SH3RF3: variants seen among roughly 807,000 people sequenced by gnomAD.
SH3RF3 encodes E3 ubiquitin-protein ligase SH3RF3.
In SH3RF3, 29 loss-of-function variants were observed where a neutral mutation model predicts 66.3. The ratio of observed to expected loss-of-function variants is 0.44; its 90% CI spans 0.33 to 0.60. SH3RF3 has a LOEUF of 0.60. Ranked by LOEUF, SH3RF3 falls within the 20% of genes least tolerant of loss-of-function variation. SH3RF3 has a pLI of 0.04. For missense variants in SH3RF3, 1,194 were observed against 1,190.9 expected, an observed-to-expected ratio of 1.00 and a Z score of -0.04; for synonymous variants, 583 against 532.0, an observed-to-expected ratio of 1.10 and a Z score of -1.32.
At chr2:109,301,348 GTGTGTT>G (rs59584348) in intron 1 of SH3RF3, among the ~76,000 whole-genome samples, 46,067 of 150,446 alleles carry the variant, frequency 0.31, 8,304 homozygotes, top group East Asian at 0.9. Flanking sequence ...GTGTGTGTGT[GTGTGTT>G]TGTGTATGTT....
chr2:109,195,716 G>A (rs1678482809), intron 1 of SH3RF3, among the ~76,000 whole-genome samples: 1 of 151,866 alleles, frequency 6.6e-6, no homozygotes, highest in Non-Finnish European at 1.5e-5. Context: ...ATTTTTTTTG[G>A]TACTCATTTG....
At chr2:109,373,763 TC>T (rs1683324537) in intron 3 of SH3RF3, among the ~76,000 whole-genome samples, 2 of 152,254 alleles carry the variant, frequency 1.3e-5, no homozygotes, top group South Asian at 4.1e-4. Flanking sequence ...TTTACACACT[TC>T]TAACTGCAAT....
intron 6 of SH3RF3, among the ~76,000 whole-genome samples, chr2:109,434,478 G>A (rs939651538): frequency 2.0e-5 from 3 of 152,206 alleles, no homozygotes; most frequent in East Asian, 1.9e-4. Context: ...TCGCCTGGCC[G>A]GGCAACTCCT....
intron 1 of SH3RF3, among the ~76,000 whole-genome samples, chr2:109,297,667 T>C (rs1015359817): frequency 2.7e-5 from 4 of 145,750 alleles, no homozygotes; most frequent in Non-Finnish European, 4.5e-5. Flanking sequence ...CCCACCCTGG[T>C]CAGTGCCTTC....
At chr2:109,351,397 T>C (rs1247586695) in intron 2 of SH3RF3, among the ~76,000 whole-genome samples, 1 of 152,210 alleles carries the variant, frequency 6.6e-6, no homozygotes, top group Non-Finnish European at 1.5e-5. Context: ...CCACATGATA[T>C]AAATAAATTG....
intron 1 of SH3RF3, among the ~76,000 whole-genome samples, chr2:109,347,129 C>G (rs1224934927): frequency 6.6e-6 from 1 of 152,182 alleles, no homozygotes; most frequent in Non-Finnish European, 1.5e-5. Context: ...GTTGCTGTGA[C>G]TATTCAGTAG....
chr2:109,203,880 G>C (rs918156323), intron 1 of SH3RF3, among the ~76,000 whole-genome samples: 2 of 152,226 alleles, frequency 1.3e-5, no homozygotes, highest in African/African-American at 4.8e-5. Flanking sequence ...CTTGTTCCCT[G>C]TGCGGCCTGG....
rs1426200204 is a variant in SH3RF3 at position 109,503,880 on chromosome 2, A to C, written c.*2209A>C. The C allele has an allele frequency of 6.6e-6, 1 of 152,232 alleles. No homozygotes were observed. 9.4% of individuals were successfully genotyped at this position (152,232 alleles called of 1,614,324 possible). On this transcript the variant is annotated 3_prime_UTR_variant, in exon 10 of 10. Coordinates refer to ENST00000309415, the MANE Select transcript of SH3RF3 (RefSeq NM_001099289.3). ...GGCGAGGACACAGCCCACTGCATGC[A>C]GCATGGTAGAGAGCTGGGGCGAATA...
intron 1 of SH3RF3, among the ~76,000 whole-genome samples, chr2:109,199,271 G>A (rs78894328): frequency 5.8e-5 from 1 of 17,344 alleles, no homozygotes; most frequent in Non-Finnish European, 1.5e-4. Flanking sequence ...GCAGTGAGCC[G>A]AGATCATGCC....
At chr2:109,163,728 G>A (rs1369375755) in intron 1 of SH3RF3, among the ~76,000 whole-genome samples, 1 of 152,146 alleles carries the variant, frequency 6.6e-6, no homozygotes, top group African/African-American at 2.4e-5. Context: ...GAGACTTCAC[G>A]ATTCCACAGT....
intron 3 of SH3RF3, among the ~76,000 whole-genome samples, chr2:109,397,820 A>G (rs1676191114): frequency 6.6e-6 from 1 of 152,168 alleles, no homozygotes; most frequent in South Asian, 2.1e-4. Context: ...TTGCTCATGG[A>G]CTTGAACCTT....
At chr2:109,192,414 G>A (rs2105027681) in intron 1 of SH3RF3, among the ~76,000 whole-genome samples, 1 of 152,326 alleles carries the variant, frequency 6.6e-6, no homozygotes, top group Admixed American at 6.5e-5. Context: ...ACTCATAGAA[G>A]ACATTAACTT....
intron 1 of SH3RF3, among the ~76,000 whole-genome samples, chr2:109,208,534 G>A (rs892455715): frequency 2.0e-5 from 3 of 152,228 alleles, no homozygotes; most frequent in African/African-American, 7.2e-5. Context: ...TTTCTTGGAA[G>A]TGGAGCCACC....
At chr2:109,435,213 A>G (rs140436465) in intron 6 of SH3RF3, among the ~76,000 whole-genome samples, 3,208 of 152,308 alleles carry the variant, frequency 0.021, 55 homozygotes, top group South Asian at 0.064. Context: ...GTTGAAGGCC[A>G]TGGGTCCCTC....
chr2:109,372,118 A>T (rs1304987573), intron 3 of SH3RF3, among the ~76,000 whole-genome samples: 1 of 152,232 alleles, frequency 6.6e-6, no homozygotes, highest in Non-Finnish European at 1.5e-5. Context: ...GTTGCTGGCC[A>T]TCTGCAAAGT....
rs752195342 is a variant in SH3RF3 at position 109,419,652 on chromosome 2, C to T, written c.1403+10C>T. The T allele has an allele frequency of 3.2e-6, 5 of 1,564,716 alleles. No individual in the cohort carries two copies. The highest frequency in any genetic ancestry group is 1.9e-5 in the Admixed American group (1 of 53,080). ...AGCTGCCCCTCAACGTGTGAGCTGC[C>T]CTTTGTGTCTGTCGGGGTCCTGTGC... On this transcript the variant is annotated intron_variant, in intron 5 of 9. Transcript: ENST00000309415.
chr2:109,435,719 A>G (rs1414428213), intron 6 of SH3RF3, among the ~76,000 whole-genome samples: 1 of 152,240 alleles, frequency 6.6e-6, no homozygotes, highest in Admixed American at 6.5e-5. Context: ...AGACTTGTCA[A>G]TATCACCTTG....
At chr2:109,343,683 G>T (rs1456710758) in intron 1 of SH3RF3, among the ~76,000 whole-genome samples, 1 of 152,006 alleles carries the variant, frequency 6.6e-6, no homozygotes, top group East Asian at 1.9e-4. Context: ...CCTGTGGAGA[G>T]GTGGCCAGGC....
intron 4 of SH3RF3, among the ~76,000 whole-genome samples, chr2:109,413,668 C>T (rs1310874126): frequency 6.6e-6 from 1 of 152,236 alleles, no homozygotes; most frequent in Non-Finnish European, 1.5e-5. Flanking sequence ...CTATTCTGTG[C>T]TCTGGGGCAG....
Sources: allele counts gnomAD v4.1 joint callset (sites outside exome capture counted in the v4.1 genomes callset), GRCh38; gene constraint gnomAD v4.1.1; transcripts MANE v1.5; gene names NCBI Gene and HGNC (gene_info 2026-07-23, HGNC 2026-07-21).